SIPA1L1: variants seen among roughly 807,000 people sequenced by gnomAD.
The protein encoded by SIPA1L1 is signal induced proliferation associated 1 like 1.
In SIPA1L1, 26 loss-of-function variants were observed where a neutral mutation model predicts 162.7. The ratio of observed to expected loss-of-function variants is 0.16; its 90% CI spans 0.12 to 0.22. The LOEUF is 0.22. Among genes scored for constraint, SIPA1L1 ranks in the 10% least tolerant of loss-of-function variants. The pLI is 1.00. For synonymous variants in SIPA1L1, 829 were observed against 837.4 expected, an observed-to-expected ratio of 0.99 and a Z score of 0.17; for missense variants, 1,874 against 2,241.0, an observed-to-expected ratio of 0.84 and a Z score of 3.31.
intron 22 of SIPA1L1, 74 bp from the exon 23 acceptor site, chr14:71,738,167 A>T: frequency 1.6e-6 from 1 of 613,834 alleles, no homozygotes; most frequent in South Asian, 2.9e-5. Context: ...AGAGTAAAAA[A>T]AAAAAAAAAA....
At chr14:71,347,020 C>T (rs919469308) in intron 2 of SIPA1L1, among the ~76,000 whole-genome samples, 1 of 149,730 alleles carries the variant, frequency 6.7e-6, no homozygotes, top group Admixed American at 6.6e-5. Flanking sequence ...GGTGTGATCT[C>T]GGCTCACTGC....
chr14:71,696,772 A>T (rs1214203873), intron 13 of SIPA1L1, among the ~76,000 whole-genome samples: 1 of 152,220 alleles, frequency 6.6e-6, no homozygotes, highest in Non-Finnish European at 1.5e-5. Context: ...ACACACATAA[A>T]ATAACCATTC....
chr14:71,659,177 A>G lies in SIPA1L1; in HGVS notation c.2097+741A>G, dbSNP rs1227845921. 5.3e-5 allele frequency among the ~76,000 whole-genome samples: 8 copies of G among 152,332 alleles called. No homozygotes were observed. The East Asian group carries it at 1.5e-3, about 29-fold the overall frequency. On this transcript the variant is annotated intron_variant, in intron 9 of 23. Transcript: ENST00000381232. ...TAAAAGAACCAGAGAGCTAACACACACTTCTTTTAAAAGCTATTACAAACT... is the reference window on the plus strand; with the variant it reads ...TAAAAGAACCAGAGAGCTAACACACGCTTCTTTTAAAAGCTATTACAAACT...
Position 71,547,640 on chromosome 14 carries a change from T to A in SIPA1L1, c.-303+18270T>A, listed in dbSNP as rs567793932. ...TTAATTTTCTAGAATAATTATTTTG[T>A]TCAAATAATAATTATTTTGTTCAAC... On this transcript the variant is annotated intron_variant, in intron 4 of 23. Transcript: ENST00000381232. 3.9e-5 allele frequency among the ~76,000 whole-genome samples: 6 copies of A among 152,266 alleles called. No individual in the cohort carries two copies. In the East Asian group the frequency reaches 1.2e-3, roughly 29 times the overall value.
chr14:71,635,768 C>A (rs967683575), intron 7 of SIPA1L1, among the ~76,000 whole-genome samples: 1 of 151,856 alleles, frequency 6.6e-6, no homozygotes, highest in African/African-American at 2.4e-5. Flanking sequence ...TCTAAATATA[C>A]CAATTAAAGG....
intron 2 of SIPA1L1, among the ~76,000 whole-genome samples, chr14:71,326,959 G>A (rs1204467789): frequency 6.6e-6 from 1 of 151,688 alleles, no homozygotes; most frequent in East Asian, 1.9e-4. Context: ...CGATCCTCCC[G>A]CCTTGGCCTC....
chr14:71,451,265 G>T (rs1468680038), intron 2 of SIPA1L1, among the ~76,000 whole-genome samples: 1 of 150,664 alleles, frequency 6.6e-6, no homozygotes, highest in Non-Finnish European at 1.5e-5. Context: ...TTAGGGAGGG[G>T]GATATTTGAT....
chr14:71,469,743 G>A (rs1352749833), intron 2 of SIPA1L1, among the ~76,000 whole-genome samples: 1 of 152,224 alleles, frequency 6.6e-6, no homozygotes, highest in East Asian at 1.9e-4. Context: ...TCATAGGGCA[G>A]TGTTTATGAG....
rs968171064 is a variant in SIPA1L1, at chr14:71,515,319, A to G, written c.-362+2474A>G. On this transcript the variant is annotated intron_variant, in intron 3 of 23. Transcript: ENST00000381232. ...ACTGCTAAGCTGATACCCTTAGTAC[A>G]TACCCTTGAGAATGAAAACTAATGG... Among the ~76,000 whole-genome samples the G allele has an allele frequency of 5.3e-5, 8 of 152,352 alleles. No individual in the cohort carries two copies. The East Asian group carries it at 5.8e-4, about 11-fold the overall frequency.
intron 2 of SIPA1L1, among the ~76,000 whole-genome samples, chr14:71,347,611 A>G (rs538148565): frequency 1.3e-5 from 2 of 152,230 alleles, no homozygotes; most frequent in South Asian, 2.1e-4. Flanking sequence ...TGGCTGTACC[A>G]TTTTCCATTT....
chr14:71,678,124 C>G (rs953878303), intron 12 of SIPA1L1, among the ~76,000 whole-genome samples: 4 of 152,158 alleles, frequency 2.6e-5, no homozygotes, highest in Non-Finnish European at 5.9e-5. Flanking sequence ...TAATTGAATA[C>G]CCTTTATTTC....
chr14:71,693,368 G>T (rs529651551), intron 13 of SIPA1L1, among the ~76,000 whole-genome samples: 1 of 152,190 alleles, frequency 6.6e-6, no homozygotes, highest in African/African-American at 2.4e-5. Flanking sequence ...GTGTGGTGGC[G>T]GGTGCCTGTA....
chr14:71,402,732 G>C (rs893618230), intron 2 of SIPA1L1, among the ~76,000 whole-genome samples: 3 of 152,228 alleles, frequency 2.0e-5, no homozygotes, highest in Admixed American at 6.5e-5. Context: ...TGTTGTATTG[G>C]TTATGTGATG....
chr14:71,705,942 C>A (rs1422041719), intron 16 of SIPA1L1, among the ~76,000 whole-genome samples: 1 of 152,066 alleles, frequency 6.6e-6, no homozygotes, highest in Non-Finnish European at 1.5e-5. Flanking sequence ...TTCCCTGATA[C>A]CGCTATTGGG....
At chr14:71,420,550 A>ACT (rs2043111339) in intron 2 of SIPA1L1, among the ~76,000 whole-genome samples, 1 of 152,214 alleles carries the variant, frequency 6.6e-6, no homozygotes, top group Non-Finnish European at 1.5e-5. Context: ...CAGATCACTC[A>ACT]GTCTTCACTA....
intron 2 of SIPA1L1, among the ~76,000 whole-genome samples, chr14:71,347,886 A>T (rs911772069): frequency 1.3e-5 from 2 of 152,116 alleles, no homozygotes; most frequent in African/African-American, 4.8e-5. Context: ...TGTATTTTAG[A>T]TACAGATCTT....
chr14:71,595,164 G>A (rs1279286009), intron 5 of SIPA1L1, among the ~76,000 whole-genome samples: 2 of 152,068 alleles, frequency 1.3e-5, no homozygotes, highest in Non-Finnish European at 2.9e-5. Context: ...ATCAAGATAG[G>A]CCATCAAAGA....
At chr14:71,346,023 T>C (rs1021935951) in intron 2 of SIPA1L1, among the ~76,000 whole-genome samples, 2 of 151,568 alleles carry the variant, frequency 1.3e-5, no homozygotes, top group African/African-American at 2.4e-5. Flanking sequence ...TTCTCCTGTC[T>C]CAGCCTCCCG....
At chr14:71,400,814 A>C (rs2041613694) in intron 2 of SIPA1L1, 1 of 152,134 alleles carries the variant, frequency 6.6e-6, no homozygotes, top group South Asian at 2.1e-4. Flanking sequence ...ATTTTGGAAA[A>C]AGTTGAAGCT....
Sources: allele counts gnomAD v4.1 joint callset (sites outside exome capture counted in the v4.1 genomes callset), GRCh38; gene constraint gnomAD v4.1.1; transcripts MANE v1.5; gene names NCBI Gene and HGNC (gene_info 2026-07-23, HGNC 2026-07-21).